RYR2: variants seen among roughly 807,000 people sequenced by gnomAD.
RYR2 encodes the protein cardiac muscle ryanodine receptor-calcium release channel.
RYR2 carries 227 observed loss-of-function variants against 601.1 expected under a neutral mutation model. The ratio of observed to expected loss-of-function variants is 0.38; its 90% CI spans 0.34 to 0.42. The LOEUF (loss-of-function observed/expected upper bound fraction) is 0.42, where lower values mean the gene tolerates loss of function less well. RYR2 is among the 10% of genes least tolerant of loss of function. The pLI, the probability that RYR2 is intolerant of heterozygous loss-of-function variation, is 1.00. For synonymous variants in RYR2, 2,223 were observed against 2,175.1 expected (o/e 1.02, Z -0.61); for missense variants, 4,646 against 6,156.5 (o/e 0.75, Z 8.21).
intron 1 of RYR2, among the ~76,000 whole-genome samples, chr1:237,116,028 A>T (rs1303084027): frequency 6.6e-6 from 1 of 152,216 alleles, no homozygotes; most frequent in Non-Finnish European, 1.5e-5. Flanking sequence ...GGGTTGAAAG[A>T]TGATTTCAGG....
In RYR2 at chr1:237,148,527, A is replaced by AT. The variant is rs1158996552; in HGVS notation, c.48+105958_48+105959insT. Among the ~76,000 whole-genome samples, 727 of 83,858 alleles carry AT rather than the reference A, an allele frequency of 8.7e-3. 8 individuals are homozygous for AT. The highest frequency in any genetic ancestry group is 0.02 in the African/African-American group (458 of 23,162). 55.0% of individuals were successfully genotyped at this position (83,858 alleles called of 152,430 possible). On this transcript the variant is annotated intron_variant, in intron 1 of 104. Transcript: ENST00000366574. Reference sequence around the variant, plus strand: ...CCAGAACTTCAAGTAAAAAAAAAAAAATATATATATATATATATATATATA... The same window carrying AT: ...CCAGAACTTCAAGTAAAAAAAAAAAATATATATATATATATATATATATATA...
At chr1:237,465,891 A>G (rs1242458162) in intron 16 of RYR2, among the ~76,000 whole-genome samples, 1 of 152,200 alleles carries the variant, frequency 6.6e-6, no homozygotes, top group Non-Finnish European at 1.5e-5. Context: ...GTCTTAAGGG[A>G]TGATCATTTT....
chr1:237,304,036 A>ACAGATCACT (rs1283589271), intron 2 of RYR2, among the ~76,000 whole-genome samples: 2 of 152,218 alleles, frequency 1.3e-5, no homozygotes, highest in East Asian at 3.9e-4. Flanking sequence ...ATGGAGAGAT[A>ACAGATCACT]CAGATCACTC....
chr1:237,781,927 T>TGGACAAACACACTAAC (rs1695147094), intron 89 of RYR2, among the ~76,000 whole-genome samples: 1 of 152,196 alleles, frequency 6.6e-6, no homozygotes, highest in Non-Finnish European at 1.5e-5. Flanking sequence ...CTCCAGTCTA[T>TGGACAAACACACTAAC]AAAGAATATT....
At chr1:237,334,207 C>G (rs1697028743) in intron 3 of RYR2, among the ~76,000 whole-genome samples, 1 of 152,028 alleles carries the variant, frequency 6.6e-6, no homozygotes, top group African/African-American at 2.4e-5. Context: ...GTTAAGGAAA[C>G]TTAGCAGAAA....
At position 237,650,017 on chromosome 1, in the gene RYR2, T is replaced by C; in HGVS notation, c.7653T>C (p.Thr2551=). The change falls in exon 50 of 105, where the codon ACT becomes ACC. Residue 2551 remains threonine, a synonymous_variant. Transcript: ENST00000366574. ...HASLIDSLLH[T]VYRLSKGCSL... is the part of the protein sequence containing the mutation. ...CTCTCATTGACTCATTACTTCATAC[T>C]GTGTATAGACTTTCTAAGGGCTGTT... The C allele has an allele frequency of 4.3e-6, 7 of 1,614,038 alleles. No homozygotes were observed. The highest frequency in any genetic ancestry group is 4.2e-6 in the Non-Finnish European group (5 of 1,179,876).
chr1:237,257,911 C>T (rs545104129), intron 1 of RYR2, among the ~76,000 whole-genome samples: 8 of 152,184 alleles, frequency 5.3e-5, no homozygotes, highest in African/African-American at 1.4e-4. Context: ...CGCCTGTAAT[C>T]CCAGCACTTT....
At chr1:237,276,859 A>G (rs1178623885) in intron 2 of RYR2, among the ~76,000 whole-genome samples, 3 of 152,230 alleles carry the variant, frequency 2.0e-5, no homozygotes. Context: ...GATACTCCCT[A>G]CTTAACTATG....
chr1:237,799,440 T>A (rs1659687247), intron 97 of RYR2, among the ~76,000 whole-genome samples: 1 of 152,226 alleles, frequency 6.6e-6, no homozygotes, highest in East Asian at 1.9e-4. Flanking sequence ...AAGGGAAGTT[T>A]AGACTGTTTT....
intron 11 of RYR2, among the ~76,000 whole-genome samples, chr1:237,419,869 G>A (rs1265931121): frequency 1.3e-5 from 2 of 151,934 alleles, no homozygotes; most frequent in African/African-American, 4.8e-5. Context: ...TTTCATTCTA[G>A]GAAGTTTACA....
chr1:237,493,123 C>T (rs1252737114), intron 19 of RYR2, 36 bp downstream of exon 19: 11 of 1,611,150 alleles, frequency 6.8e-6, no homozygotes, highest in African/African-American at 2.7e-5. Flanking sequence ...TGACAGGTAC[C>T]ATAATAAAAG....
chr1:237,498,467 T>C (rs1202458840), intron 20 of RYR2, among the ~76,000 whole-genome samples: 1 of 152,112 alleles, frequency 6.6e-6, no homozygotes, highest in East Asian at 1.9e-4. Flanking sequence ...CTTTAGATAC[T>C]ATTACCCCCT....
At chr1:237,800,687 A>G (rs1659855715) in intron 97 of RYR2, among the ~76,000 whole-genome samples, 1 of 152,234 alleles carries the variant, frequency 6.6e-6, no homozygotes, top group African/African-American at 2.4e-5. Flanking sequence ...AAAGGCTGGG[A>G]AAGTTACAAT....
At chr1:237,406,013 C>T (rs980097943) in intron 10 of RYR2, among the ~76,000 whole-genome samples, 15 of 151,434 alleles carry the variant, frequency 9.9e-5, no homozygotes, top group Middle Eastern at 3.5e-3. Flanking sequence ...CTCACTGCCA[C>T]GCTCTCATTC....
At chr1:237,615,830 G>C (rs1252245599) in intron 37 of RYR2, among the ~76,000 whole-genome samples, 1 of 152,164 alleles carries the variant, frequency 6.6e-6, no homozygotes, top group Non-Finnish European at 1.5e-5. Flanking sequence ...ATTTAGACTG[G>C]ATTACTGTTA....
chr1:237,524,865 T>G (rs1381487802), intron 24 of RYR2, among the ~76,000 whole-genome samples: 1 of 152,208 alleles, frequency 6.6e-6, no homozygotes, highest in Non-Finnish European at 1.5e-5. Context: ...TGAGGCCCAG[T>G]CACATTATGG....
At chr1:237,758,246 G>T (rs80335321) in intron 82 of RYR2, among the ~76,000 whole-genome samples, 2 of 152,150 alleles carry the variant, frequency 1.3e-5, no homozygotes, top group East Asian at 3.9e-4. Context: ...TACTTAGTAT[G>T]TATATTCAGA....
chr1:237,826,176 A>G (rs1276176836), intron 101 of RYR2, among the ~76,000 whole-genome samples: 1 of 152,190 alleles, frequency 6.6e-6, no homozygotes, highest in Admixed American at 6.5e-5. Flanking sequence ...GATATATCCA[A>G]AGAATTATAA....
In RYR2 at chr1:237,483,281, T is replaced by C. The variant is rs74147291; in HGVS notation, c.1709-8525T>C. Among the ~76,000 whole-genome samples, 577 of 152,348 alleles carry C rather than the reference T, an allele frequency of 3.8e-3. 3 individuals carry two copies. The highest frequency in any genetic ancestry group is 0.013 in the African/African-American group (545 of 41,588). ...GGTAATTCTTCCCTGTTGATCTTTG[T>C]TTCATTTGCCTTATTTTATTTCAAC... On this transcript the variant is annotated intron_variant, in intron 17 of 104. Transcript: ENST00000366574.
Sources: allele counts gnomAD v4.1 joint callset (sites outside exome capture counted in the v4.1 genomes callset), GRCh38; gene constraint gnomAD v4.1.1; transcripts MANE v1.5; gene names NCBI Gene and HGNC (gene_info 2026-07-23, HGNC 2026-07-21).